Variants in LYRM4 observed in about 807,000 individuals in gnomAD.
The protein encoded by LYRM4 is LYR motif-containing protein 4.
A neutral mutation model predicts 11.7 loss-of-function variants in LYRM4; 9 were observed. That is an observed-to-expected ratio of 0.77 (90% CI 0.46 to 1.34). The LOEUF is 1.34. Ranked by LOEUF, LYRM4 falls within the 40% of genes most tolerant of loss-of-function variation. The pLI is 0.00. For synonymous variants in LYRM4, 42 were observed against 40.4 expected, an observed-to-expected ratio of 1.04 and a Z score of -0.15; for missense variants, 133 against 112.5, an observed-to-expected ratio of 1.18 and a Z score of -0.82.
chr6:5,098,619 C>G, the LYRM4 span, among the ~76,000 whole-genome samples: 1 of 152,188 alleles, frequency 6.6e-6, no homozygotes, highest in Non-Finnish European at 1.5e-5. Flanking sequence ...CATTATCTGT[C>G]ATAGTCAAAA....
At chr6:5,085,960 G>C in the LYRM4 span, 5 of 1,527,544 alleles carry the variant, frequency 3.3e-6, no homozygotes, top group Non-Finnish European at 4.4e-6. Context: ...GGTGCCGCCC[G>C]CCGTGCTCTC....
At chr6:5,234,362 C>T (rs993453066) in intron 1 of LYRM4, among the ~76,000 whole-genome samples, 3 of 152,232 alleles carry the variant, frequency 2.0e-5, no homozygotes, top group East Asian at 1.9e-4. Flanking sequence ...TTCACTCCTG[C>T]GCTCCTCCAC....
chr6:5,180,402 A>T (rs1221147154), intron 2 of LYRM4, among the ~76,000 whole-genome samples: 1 of 152,174 alleles, frequency 6.6e-6, no homozygotes, highest in African/African-American at 2.4e-5. Flanking sequence ...TAGGCTCAGC[A>T]TCTATGCTAA....
At chr6:5,134,975 T>C (rs1423011889) in intron 2 of LYRM4, among the ~76,000 whole-genome samples, 1 of 137,966 alleles carries the variant, frequency 7.2e-6, no homozygotes, top group African/African-American at 2.7e-5. Context: ...TGCGGATCGC[T>C]CCCGGGGCTG....
At chr6:5,222,629 C>T (rs1762643703) in intron 1 of LYRM4, among the ~76,000 whole-genome samples, 1 of 151,932 alleles carries the variant, frequency 6.6e-6, no homozygotes. Flanking sequence ...TTTGTCAAAT[C>T]ATTGAACTGT....
intron 1 of LYRM4, among the ~76,000 whole-genome samples, chr6:5,241,286 A>G (rs1350558027): frequency 6.6e-6 from 1 of 152,252 alleles, no homozygotes; most frequent in East Asian, 1.9e-4. Context: ...ATTAAAGTCT[A>G]TAACATACAG....
intron 1 of LYRM4, among the ~76,000 whole-genome samples, chr6:5,248,703 C>T (rs902135297): frequency 1.3e-5 from 2 of 152,258 alleles, no homozygotes; most frequent in African/African-American, 4.8e-5. Context: ...TCGGGTTAGG[C>T]TGCTGTCTCT....
the LYRM4 span, among the ~76,000 whole-genome samples, chr6:5,052,929 T>G: frequency 7.2e-5 from 11 of 152,190 alleles, no homozygotes; most frequent in Non-Finnish European, 1.3e-4. Flanking sequence ...TTCTAAAGGA[T>G]AATGCTTTTT....
chr6:5,255,921 T>C (rs974435009), intron 1 of LYRM4, among the ~76,000 whole-genome samples: 23 of 152,174 alleles, frequency 1.5e-4, no homozygotes, highest in African/African-American at 5.3e-4. Flanking sequence ...TCATCTAATA[T>C]CTAGGTTTTA....
intron 2 of LYRM4, among the ~76,000 whole-genome samples, chr6:5,133,146 CG>C (rs1561818046): frequency 6.6e-6 from 1 of 152,202 alleles, no homozygotes; most frequent in East Asian, 1.9e-4. Flanking sequence ...TGCCATCTCA[CG>C]GGTGAGGCTA....
the LYRM4 span, among the ~76,000 whole-genome samples, chr6:5,098,193 T>C: frequency 6.6e-6 from 1 of 152,144 alleles, no homozygotes. Context: ...CACATCCTGC[T>C]CCGTTCCGAA....
At chr6:5,223,205 C>T (rs1762687173) in intron 1 of LYRM4, among the ~76,000 whole-genome samples, 2 of 152,180 alleles carry the variant, frequency 1.3e-5, no homozygotes, top group African/African-American at 4.8e-5. Flanking sequence ...TACCTATTTT[C>T]AAATCTTCAA....
At chr6:5,143,476 G>A (rs1757521254) in intron 2 of LYRM4, among the ~76,000 whole-genome samples, 1 of 152,212 alleles carries the variant, frequency 6.6e-6, no homozygotes, top group Admixed American at 6.5e-5. Flanking sequence ...CACAATAACA[G>A]GACCTATTAT....
chr6:5,042,616 C>CA, the LYRM4 span: 7 of 152,622 alleles, frequency 4.6e-5, no homozygotes, highest in African/African-American at 1.7e-4. Flanking sequence ...ACCCACATCC[C>CA]AGATGACATT....
chr6:5,156,335 G>T (rs1758409343), intron 2 of LYRM4, among the ~76,000 whole-genome samples: 1 of 152,220 alleles, frequency 6.6e-6, no homozygotes, highest in Non-Finnish European at 1.5e-5. Context: ...TGGGACCACA[G>T]GTGCCTGCTA....
At chr6:5,089,400 CTTGT>C in the LYRM4 span, 2 of 152,052 alleles carry the variant, frequency 1.3e-5, no homozygotes, top group Admixed American at 1.3e-4. Flanking sequence ...TTTGAAAATG[CTTGT>C]TTGTGGGGCA....
chr6:5,112,132 C>T (rs557583253), intron 2 of LYRM4, among the ~76,000 whole-genome samples: 6 of 152,154 alleles, frequency 3.9e-5, no homozygotes, highest in Non-Finnish European at 8.8e-5. Flanking sequence ...TCCACCCGTT[C>T]GCTGCCTGCA....
intron 2 of LYRM4, among the ~76,000 whole-genome samples, chr6:5,200,542 A>G (rs1561866413): frequency 6.6e-6 from 1 of 152,234 alleles, no homozygotes; most frequent in Non-Finnish European, 1.5e-5. Flanking sequence ...GTGCAACAGA[A>G]TAAAAATAAT....
intron 1 of LYRM4, among the ~76,000 whole-genome samples, chr6:5,219,131 A>G (rs986160775): frequency 3.9e-5 from 6 of 152,180 alleles, no homozygotes; most frequent in African/African-American, 1.2e-4. Flanking sequence ...TGCTAAACTC[A>G]TTTTTCTAAA....
Sources: allele counts gnomAD v4.1 joint callset (sites outside exome capture counted in the v4.1 genomes callset), GRCh38; gene constraint gnomAD v4.1.1; transcripts MANE v1.5; gene names NCBI Gene and HGNC (gene_info 2026-07-23, HGNC 2026-07-21).